Variants in GNAQ observed in about 807,000 individuals in gnomAD.
The protein encoded by GNAQ is guanine nucleotide-binding protein G(q) subunit alpha.
Under a neutral mutation model 43.9 loss-of-function variants are expected in GNAQ, and 8 were observed. The observed-to-expected ratio is 0.18, with a 90% CI of 0.11 to 0.33. GNAQ has a LOEUF of 0.33. Among genes scored for constraint, GNAQ ranks in the 10% least tolerant of loss-of-function variants. GNAQ has a pLI of 1.00. For synonymous variants in GNAQ, 155 were observed against 170.7 expected (o/e 0.91, Z 0.71); for missense variants, 158 against 450.8 (o/e 0.35, Z 5.88).
At chr9:77,878,382 C>T (rs913394030) in intron 2 of GNAQ, among the ~76,000 whole-genome samples, 1 of 152,042 alleles carries the variant, frequency 6.6e-6, no homozygotes, top group Non-Finnish European at 1.5e-5. Context: ...TTACATGACA[C>T]CTCTGTGCCT....
At chr9:77,984,034 T>C (rs1362709862) in intron 1 of GNAQ, among the ~76,000 whole-genome samples, 8 of 104,394 alleles carry the variant, frequency 7.7e-5, no homozygotes, top group African/African-American at 4.1e-5. Flanking sequence ...CATATGCAAG[T>C]AGAATTTTGG....
intron 5 of GNAQ, among the ~76,000 whole-genome samples, chr9:77,760,492 G>C (rs1260317721): frequency 6.6e-6 from 1 of 152,068 alleles, no homozygotes; most frequent in African/African-American, 2.4e-5. Flanking sequence ...TGCAGACAGT[G>C]TCTGGTTCAC....
At chr9:78,023,981 C>T (rs1358488238) in intron 1 of GNAQ, among the ~76,000 whole-genome samples, 1 of 127,326 alleles carries the variant, frequency 7.9e-6, no homozygotes, top group Non-Finnish European at 1.9e-5. Context: ...GCATTAGTAA[C>T]ATTTTCGTTC....
chr9:77,817,243 T>C (rs1260772606), intron 2 of GNAQ, among the ~76,000 whole-genome samples: 1 of 152,188 alleles, frequency 6.6e-6, no homozygotes, highest in Non-Finnish European at 1.5e-5. Context: ...CCCACTGCTG[T>C]GCTCTGCCTC....
At chr9:77,836,394 G>T (rs1473171686) in intron 2 of GNAQ, among the ~76,000 whole-genome samples, 1 of 152,172 alleles carries the variant, frequency 6.6e-6, no homozygotes, top group African/African-American at 2.4e-5. Flanking sequence ...ATGTAGATAT[G>T]CTTGCAAAAG....
intron 2 of GNAQ, among the ~76,000 whole-genome samples, chr9:77,885,225 G>A (rs748461364): frequency 2.0e-5 from 3 of 152,116 alleles, no homozygotes; most frequent in African/African-American, 4.8e-5. Context: ...CATCATGCAG[G>A]AGTACCCTGA....
At chr9:77,991,003 C>G (rs1300490410) in intron 1 of GNAQ, among the ~76,000 whole-genome samples, 1 of 152,200 alleles carries the variant, frequency 6.6e-6, no homozygotes. Context: ...TTAATAGAGT[C>G]ACTTTAACTT....
rs143401570 is a variant in GNAQ, at chr9:77,862,565, A to G, written c.322-46795T>C. On this transcript the variant is annotated intron_variant, in intron 2 of 6. Coordinates refer to ENST00000286548, the MANE Select transcript of GNAQ (RefSeq NM_002072.5). ...ACAGGGCACCAAGTTCCTAGGGTGCAAACAGCAGAAGGACCCTGGGCCAGG... is the reference window on the plus strand; with the variant it reads ...ACAGGGCACCAAGTTCCTAGGGTGCGAACAGCAGAAGGACCCTGGGCCAGG... Among the ~76,000 whole-genome samples, 82 of 152,306 alleles carry G rather than the reference A, an allele frequency of 5.4e-4. 2 individuals are homozygous for G. The highest frequency in any genetic ancestry group is 5.3e-4 in the Non-Finnish European group (36 of 68,032).
intron 1 of GNAQ, among the ~76,000 whole-genome samples, chr9:77,984,388 C>T (rs560851790): frequency 7.9e-5 from 12 of 151,934 alleles, no homozygotes; most frequent in Non-Finnish European, 1.3e-4. Context: ...AGGCTGGTCT[C>T]GAACTCCTGG....
intron 2 of GNAQ, among the ~76,000 whole-genome samples, chr9:77,880,367 G>C (rs1483449911): frequency 6.6e-6 from 1 of 151,912 alleles, no homozygotes; most frequent in Non-Finnish European, 1.5e-5. Context: ...TATCTTGGTG[G>C]ACCGTATTTT....
chr9:77,825,060 T>G (rs891800981), intron 2 of GNAQ, among the ~76,000 whole-genome samples: 8 of 152,326 alleles, frequency 5.3e-5, no homozygotes, highest in Admixed American at 5.2e-4. Context: ...TTTGTGTCTT[T>G]CGTATTTTGT....
intron 1 of GNAQ, among the ~76,000 whole-genome samples, chr9:78,011,510 A>AT (rs1394198328): frequency 1.0e-4 from 16 of 152,382 alleles, no homozygotes; most frequent in African/African-American, 3.6e-4. Context: ...GCTTTGCACT[A>AT]TATCAAGAAA....
chr9:77,871,110 T>C (rs191088414), intron 2 of GNAQ, among the ~76,000 whole-genome samples: 64 of 152,356 alleles, frequency 4.2e-4, no homozygotes, highest in Non-Finnish European at 6.6e-4. Flanking sequence ...ATGCAAATTA[T>C]ATTTCAAATA....
At chr9:77,860,358 C>T (rs1195427414) in intron 2 of GNAQ, among the ~76,000 whole-genome samples, 1 of 152,148 alleles carries the variant, frequency 6.6e-6, no homozygotes, top group African/African-American at 2.4e-5. Context: ...CTAAAGATGA[C>T]CCCATCTCAC....
At chr9:77,742,015 T>C (rs1825660038) in intron 5 of GNAQ, among the ~76,000 whole-genome samples, 1 of 152,212 alleles carries the variant, frequency 6.6e-6, no homozygotes, top group African/African-American at 2.4e-5. Context: ...CTTCAGTGAT[T>C]TATTTTGTCC....
At chr9:77,994,507 T>C (rs575317210) in intron 1 of GNAQ, among the ~76,000 whole-genome samples, 5 of 152,348 alleles carry the variant, frequency 3.3e-5, no homozygotes, top group African/African-American at 9.6e-5. Flanking sequence ...GTTACTAGTA[T>C]CTCAGATTCA....
chr9:77,839,273 T>C (rs1433569867), intron 2 of GNAQ, among the ~76,000 whole-genome samples: 3 of 152,182 alleles, frequency 2.0e-5, no homozygotes, highest in African/African-American at 7.2e-5. Context: ...TACAGTAAAA[T>C]GGGATGGCCA....
At chr9:77,986,005 G>A (rs1220329900) in intron 1 of GNAQ, among the ~76,000 whole-genome samples, 4 of 151,820 alleles carry the variant, frequency 2.6e-5, no homozygotes, top group Non-Finnish European at 5.9e-5. Context: ...CTTAATATTC[G>A]AAGCAGTCAG....
intron 5 of GNAQ, among the ~76,000 whole-genome samples, chr9:77,786,751 A>G (rs950895622): frequency 2.0e-5 from 3 of 152,208 alleles, no homozygotes; most frequent in Non-Finnish European, 4.4e-5. Flanking sequence ...TTGCTCATTT[A>G]TTGTGGAAAA....
Sources: gnomAD v4.1 joint callset for allele counts (sites outside exome capture counted in the v4.1 genomes callset) on GRCh38, gnomAD v4.1.1 for gene constraint, MANE v1.5 for transcripts, NCBI Gene and HGNC (gene_info 2026-07-23, HGNC 2026-07-21) for gene names.